The following RASGRF1 variants were observed in gnomAD, a reference collection of about 807,000 sequenced individuals.
RASGRF1 encodes ras-specific guanine nucleotide-releasing factor 1.
In RASGRF1, 40 loss-of-function variants were observed where a neutral mutation model predicts 138.7. The observed-to-expected ratio is 0.29, with a 90% confidence interval of 0.22 to 0.38. The LOEUF (loss-of-function observed/expected upper bound fraction) is 0.38, where lower values mean the gene tolerates loss of function less well. Ranked by LOEUF, RASGRF1 falls within the 10% of genes least tolerant of loss-of-function variation. The pLI is 1.00. For synonymous variants in RASGRF1, 614 were observed against 663.2 expected, an observed-to-expected ratio of 0.93 and a Z score of 1.14; for missense variants, 1,108 against 1,650.4, an observed-to-expected ratio of 0.67 and a Z score of 5.69.
chr15:78,968,612 A>T (rs1406736898), intron 26 of RASGRF1, among the ~76,000 whole-genome samples: 2 of 152,108 alleles, frequency 1.3e-5, no homozygotes, highest in Non-Finnish European at 2.9e-5. Context: ...TTTAATTGAA[A>T]ATATTTTATT....
At position 79,004,422 on chromosome 15, in the gene RASGRF1, C is replaced by G. The variant is rs144222640; in HGVS notation, c.2076-247G>C. 6.2e-3 allele frequency among the ~76,000 whole-genome samples: 944 copies of G among 152,260 alleles called. 13 individuals carry two copies. The highest frequency in any genetic ancestry group is 0.02 in the African/African-American group (846 of 41,532). On this transcript the variant is annotated intron_variant, in intron 14 of 26. Transcript: ENST00000558480. The stretch of plus-strand genomic sequence containing the variant: ...GCTTCTATGCTCCGCCCCCCCACCC[C>G]CTCAGGGCAGCAGCTGCAGCATCTG...
rs917477830 is a variant in RASGRF1, at chr15:79,029,671, G to A, written c.1262+1729C>T. Among the ~76,000 whole-genome samples, 9 of 152,168 alleles carry A rather than the reference G, an allele frequency of 5.9e-5. No homozygotes were observed. In the East Asian group the frequency reaches 1.6e-3, roughly 26 times the overall value. ...CCAGAGGTGGGGAGTGTTTCTGAGC[G>A]CAGCCTAGGAGGGGTTTGGCTATCT... is the stretch of plus-strand genomic sequence containing the variant. On this transcript the variant is annotated intron_variant, in intron 8 of 26. Transcript: ENST00000558480.
At chr15:79,005,617 G>A (rs1360084213) in intron 14 of RASGRF1, 1 of 987,878 alleles carries the variant, frequency 1.0e-6, no homozygotes, top group Non-Finnish European at 1.2e-6. Flanking sequence ...GGCTAAGGTG[G>A]CCTGCACTCC....
chr15:78,962,968 C>T (rs1349406620), intron 26 of RASGRF1, among the ~76,000 whole-genome samples: 4 of 152,060 alleles, frequency 2.6e-5, no homozygotes, highest in Admixed American at 2.6e-4. Context: ...GTGAGAGATC[C>T]ACTCCAAGAG....
intron 26 of RASGRF1, among the ~76,000 whole-genome samples, chr15:78,969,853 A>G (rs1445364480): frequency 6.6e-6 from 1 of 152,028 alleles, no homozygotes; most frequent in Admixed American, 6.6e-5. Flanking sequence ...CCAAGAGTTT[A>G]TCTGTTTTGT....
At chr15:79,085,754 A>T (rs2057970681) in intron 1 of RASGRF1, among the ~76,000 whole-genome samples, 2 of 152,094 alleles carry the variant, frequency 1.3e-5, no homozygotes, top group Non-Finnish European at 2.9e-5. Context: ...TTTTGAGGAG[A>T]GAGGCGAGCT....
At chr15:79,068,097 C>T (rs1221024810) in intron 1 of RASGRF1, among the ~76,000 whole-genome samples, 1 of 152,178 alleles carries the variant, frequency 6.6e-6, no homozygotes, top group African/African-American at 2.4e-5. Flanking sequence ...GGCACTGTCC[C>T]TGTGTTCCTG....
At chr15:79,026,553 T>C (rs1403487200) in intron 9 of RASGRF1, among the ~76,000 whole-genome samples, 2 of 152,172 alleles carry the variant, frequency 1.3e-5, no homozygotes, top group African/African-American at 4.8e-5. Flanking sequence ...CCTGTACGTC[T>C]GGCATGAGCA....
rs2056478793 is a variant in RASGRF1 at position 78,999,801 on chromosome 15, C to A, written c.2688G>T (p.Gly896=). The change falls in exon 17 of 27, where the codon GGG becomes GGT. Residue 896 remains glycine (G), a synonymous_variant. Coordinates refer to ENST00000558480, the MANE Select transcript of RASGRF1 (RefSeq NM_001145648.3). ...CCTTGTTTGGGGTGCCCTCGTTGGC[C>A]CCGGCGGTTGCTATGGCAAAGGCAG... ...AASAFAIATA[G]ANEGTPNKEK... 6.2e-7 allele frequency: 1 copy of A among 1,614,042 alleles called. No individual in the cohort carries two copies. The highest frequency in any genetic ancestry group is 1.3e-5 in the African/African-American group (1 of 74,912).
chr15:78,966,781 C>A (rs1036786942), intron 26 of RASGRF1, among the ~76,000 whole-genome samples: 3 of 152,058 alleles, frequency 2.0e-5, no homozygotes, highest in Non-Finnish European at 4.4e-5. Flanking sequence ...AGTGCAGCAG[C>A]CATTAGCCAC....
intron 6 of RASGRF1, among the ~76,000 whole-genome samples, chr15:79,033,581 C>CTTTTTTTTTTTTTTTTTTTTTTTTTT (rs71148586): frequency 1.1e-5 from 1 of 93,978 alleles, no homozygotes; most frequent in Non-Finnish European, 1.9e-5. Flanking sequence ...TTTTTCTTTT[C>CTTTTTTTTTTTTTTTTTTTTTTTTTT]TTTTTTTTTT....
intron 2 of RASGRF1, among the ~76,000 whole-genome samples, chr15:79,062,595 C>A (rs886719804): frequency 2.0e-5 from 3 of 152,012 alleles, no homozygotes; most frequent in Non-Finnish European, 4.4e-5. Context: ...AGTGCAATGG[C>A]GCGATCTTGG....
chr15:79,083,957 C>T (rs968819321), intron 1 of RASGRF1, among the ~76,000 whole-genome samples: 2 of 152,162 alleles, frequency 1.3e-5, no homozygotes, highest in African/African-American at 4.8e-5. Context: ...CATCCTGCTA[C>T]AAAATTATAT....
chr15:79,015,768 C>A (rs2056870264), intron 12 of RASGRF1, among the ~76,000 whole-genome samples: 1 of 152,244 alleles, frequency 6.6e-6, no homozygotes, highest in Non-Finnish European at 1.5e-5. Context: ...GGTCCAGTGT[C>A]AAGGACAAGA....
intron 1 of RASGRF1, among the ~76,000 whole-genome samples, chr15:79,089,605 C>T (rs563002516): frequency 7.2e-5 from 11 of 152,362 alleles, no homozygotes; most frequent in African/African-American, 2.6e-4. Flanking sequence ...AATCTTTGGG[C>T]TTGTTGCTCC....
chr15:79,060,400 G>C (rs2057587693), intron 2 of RASGRF1, among the ~76,000 whole-genome samples: 1 of 152,206 alleles, frequency 6.6e-6, no homozygotes, highest in South Asian at 2.1e-4. Context: ...AAAGGATGAT[G>C]CATATGGAGA....
intron 15 of RASGRF1, 121 bp downstream of exon 15, chr15:79,003,681 C>A: frequency 6.9e-7 from 1 of 1,442,340 alleles, no homozygotes; most frequent in East Asian, 2.3e-5. Context: ...GTGGGACCCC[C>A]AAGCCTCTCC....
chr15:79,044,874 A>C (rs2057338181), intron 5 of RASGRF1, among the ~76,000 whole-genome samples: 1 of 152,224 alleles, frequency 6.6e-6, no homozygotes, highest in Admixed American at 6.5e-5. Context: ...CTTTTGAACA[A>C]ATGCTGTGAG....
intron 4 of RASGRF1, among the ~76,000 whole-genome samples, chr15:79,048,184 T>G (rs752441978): frequency 1.3e-5 from 2 of 152,184 alleles, no homozygotes; most frequent in Non-Finnish European, 2.9e-5. Context: ...CAGGTGGGAC[T>G]TGACTCAGAC....
Sources: gnomAD v4.1 joint callset for allele counts (sites outside exome capture counted in the v4.1 genomes callset) on GRCh38, gnomAD v4.1.1 for gene constraint, MANE v1.5 for transcripts, NCBI Gene and HGNC (gene_info 2026-07-23, HGNC 2026-07-21) for gene names.